TACR1: variants seen among roughly 807,000 people sequenced by gnomAD.
TACR1 encodes the protein substance-P receptor.
Under a neutral mutation model 35.8 loss-of-function variants are expected in TACR1, and 25 were observed. That is an observed-to-expected ratio of 0.70 (90% CI 0.51 to 0.98). The LOEUF (loss-of-function observed/expected upper bound fraction) is 0.98. Ranked by LOEUF, TACR1 falls within the 50% of genes least tolerant of loss-of-function variation. TACR1 has a pLI of 0.00. For synonymous variants in TACR1, 195 were observed against 206.7 expected (o/e 0.94, Z 0.48); for missense variants, 478 against 522.9 (o/e 0.91, Z 0.84).
chr2:75,072,194 G>A (rs1284490790), intron 2 of TACR1, among the ~76,000 whole-genome samples: 1 of 152,058 alleles, frequency 6.6e-6, no homozygotes, highest in African/African-American at 2.4e-5. Flanking sequence ...CACAGAGGGA[G>A]AGAAGGGAAG....
At chr2:75,148,348 C>A (rs1558569367) in intron 1 of TACR1, among the ~76,000 whole-genome samples, 3 of 152,136 alleles carry the variant, frequency 2.0e-5, no homozygotes, top group Admixed American at 2.0e-4. Context: ...AATGTAAAAG[C>A]ATTCCTATTT....
At chr2:75,157,124 A>C (rs1674880353) in intron 1 of TACR1, among the ~76,000 whole-genome samples, 1 of 152,100 alleles carries the variant, frequency 6.6e-6, no homozygotes, top group African/African-American at 2.4e-5. Flanking sequence ...GCTTGTATTC[A>C]GGTCTGTGGT....
intron 2 of TACR1, among the ~76,000 whole-genome samples, chr2:75,112,223 C>T (rs1409438926): frequency 2.6e-5 from 4 of 151,888 alleles, no homozygotes; most frequent in Admixed American, 6.6e-5. Context: ...TTAAATGATT[C>T]TACCCCTAGT....
intron 1 of TACR1, among the ~76,000 whole-genome samples, chr2:75,153,280 G>A (rs1331818658): frequency 3.3e-5 from 5 of 152,212 alleles, no homozygotes; most frequent in African/African-American, 9.7e-5. Flanking sequence ...CCTTGACTGA[G>A]TCTAACAAGA....
At chr2:75,077,801 A>C (rs544287704) in intron 2 of TACR1, among the ~76,000 whole-genome samples, 1 of 152,286 alleles carries the variant, frequency 6.6e-6, no homozygotes, top group African/African-American at 2.4e-5. Context: ...TAAGAGGTAT[A>C]AGGGAAGGCC....
At chr2:75,150,041 C>G (rs1277032194) in intron 1 of TACR1, among the ~76,000 whole-genome samples, 1 of 152,104 alleles carries the variant, frequency 6.6e-6, no homozygotes, top group African/African-American at 2.4e-5. Context: ...ATGGATTATG[C>G]TTTTATTGAT....
chr2:75,110,427 A>G (rs886459500), intron 2 of TACR1, among the ~76,000 whole-genome samples: 1 of 152,034 alleles, frequency 6.6e-6, no homozygotes, highest in African/African-American at 2.4e-5. Flanking sequence ...AGAAAATCTA[A>G]AGTAAAAATT....
chr2:75,185,586 ATATAT>A (rs1252405933), intron 1 of TACR1, among the ~76,000 whole-genome samples: 1 of 152,208 alleles, frequency 6.6e-6, no homozygotes, highest in African/African-American at 2.4e-5. Flanking sequence ...GGAATAACAA[ATATAT>A]TAAAATATAC....
chr2:75,138,999 T>G (rs1479796158), intron 1 of TACR1, among the ~76,000 whole-genome samples: 1 of 152,200 alleles, frequency 6.6e-6, no homozygotes, highest in African/African-American at 2.4e-5. Flanking sequence ...AGGGGATCTA[T>G]TTTATTTATT....
chr2:75,134,043 A>G (rs1253744830), intron 1 of TACR1, among the ~76,000 whole-genome samples: 1 of 152,182 alleles, frequency 6.6e-6, no homozygotes, highest in African/African-American at 2.4e-5. Context: ...ATGCCATGGC[A>G]ACATCAGGAA....
At chr2:75,082,693 T>C (rs1374147195) in intron 2 of TACR1, among the ~76,000 whole-genome samples, 1 of 152,270 alleles carries the variant, frequency 6.6e-6, no homozygotes, top group African/African-American at 2.4e-5. Flanking sequence ...GAGCATTTTT[T>C]CATGTGTCTT....
chr2:75,117,316 C>T (rs1035204628), intron 2 of TACR1, among the ~76,000 whole-genome samples: 1 of 152,154 alleles, frequency 6.6e-6, no homozygotes, highest in Non-Finnish European at 1.5e-5. Context: ...GGTTGAAGGT[C>T]CACCATACAG....
At chr2:75,112,538 C>G (rs776160096) in intron 2 of TACR1, among the ~76,000 whole-genome samples, 14 of 152,006 alleles carry the variant, frequency 9.2e-5, no homozygotes, top group Non-Finnish European at 1.3e-4. Context: ...TTATGCCGTC[C>G]AGTAAAGTCT....
At chr2:75,154,401 A>AGT (rs1553380901) in intron 1 of TACR1, 2 of 76,444 alleles carry the variant, frequency 2.6e-5, no homozygotes, top group Admixed American at 1.3e-4. Flanking sequence ...ATCAGCCAAG[A>AGT]GCGCGCACGC....
intron 1 of TACR1, among the ~76,000 whole-genome samples, chr2:75,175,205 G>A (rs1213014820): frequency 3.9e-5 from 6 of 152,162 alleles, no homozygotes. Context: ...GGAGCTCCTG[G>A]CATTTTGTTG....
At chr2:75,129,265 A>G (rs1305477895) in intron 1 of TACR1, among the ~76,000 whole-genome samples, 7 of 152,194 alleles carry the variant, frequency 4.6e-5, no homozygotes, top group Non-Finnish European at 1.5e-5. Context: ...CGCTGCTGTC[A>G]CTGCAGTATT....
intron 2 of TACR1, among the ~76,000 whole-genome samples, chr2:75,068,742 ACTATTGGGTAAATAGCAC>A (rs1235159156): frequency 6.6e-6 from 1 of 152,166 alleles, no homozygotes; most frequent in Non-Finnish European, 1.5e-5. Context: ...ACTCACAGAG[ACTATTGGGTAAATAGCAC>A]CCCCTTGAGT....
intron 1 of TACR1, among the ~76,000 whole-genome samples, chr2:75,123,131 A>G (rs887338978): frequency 1.3e-4 from 7 of 52,044 alleles, no homozygotes; most frequent in African/African-American, 3.0e-4. Context: ...TATTAAAACC[A>G]TAGGATTGCT....
At chr2:75,135,696 G>C (rs548467706) in intron 1 of TACR1, among the ~76,000 whole-genome samples, 1 of 152,326 alleles carries the variant, frequency 6.6e-6, no homozygotes, top group Admixed American at 6.5e-5. Flanking sequence ...ATTCATCCCT[G>C]TAGTCCCCAC....
Sources: gnomAD v4.1 joint callset for allele counts (sites outside exome capture counted in the v4.1 genomes callset) on GRCh38, gnomAD v4.1.1 for gene constraint, MANE v1.5 for transcripts, NCBI Gene and HGNC (gene_info 2026-07-23, HGNC 2026-07-21) for gene names.